The following GRM8 variants were observed in gnomAD, a reference collection of about 807,000 sequenced individuals.
The protein encoded by GRM8 is metabotropic glutamate receptor 8.
GRM8 carries 47 observed loss-of-function variants against 87.2 expected under a neutral mutation model. That is an observed-to-expected ratio of 0.54 (90% confidence interval 0.43 to 0.69). GRM8 has a LOEUF of 0.69. GRM8 is among the 30% of genes least tolerant of loss of function. The pLI is 0.00. For synonymous variants in GRM8, 396 were observed against 404.5 expected, an observed-to-expected ratio of 0.98 and a Z score of 0.25; for missense variants, 1,019 against 1,139.2, an observed-to-expected ratio of 0.89 and a Z score of 1.52.
chr7:127,036,071 C>G (rs1263733790), intron 3 of GRM8, among the ~76,000 whole-genome samples: 1 of 152,134 alleles, frequency 6.6e-6, no homozygotes, highest in Non-Finnish European at 1.5e-5. Context: ...AGATTTGGAC[C>G]AGTATATTTG....
At chr7:126,510,967 T>C (rs1178032291) in intron 9 of GRM8, among the ~76,000 whole-genome samples, 1 of 152,118 alleles carries the variant, frequency 6.6e-6, no homozygotes, top group Non-Finnish European at 1.5e-5. Context: ...CGCCACATCC[T>C]CCAAACCTGG....
chr7:126,795,040 G>A (rs1346771260), intron 6 of GRM8, among the ~76,000 whole-genome samples: 1 of 152,156 alleles, frequency 6.6e-6, no homozygotes, highest in African/African-American at 2.4e-5. Flanking sequence ...CATGCTTATA[G>A]TAACAAAATA....
At chr7:127,212,463 G>A (rs1433775232) in intron 2 of GRM8, among the ~76,000 whole-genome samples, 1 of 139,416 alleles carries the variant, frequency 7.2e-6, no homozygotes, top group African/African-American at 2.8e-5. Flanking sequence ...TGTCGCCCAG[G>A]CTGGAGTGCA....
At chr7:126,995,634 G>C (rs1813106416) in intron 3 of GRM8, among the ~76,000 whole-genome samples, 1 of 152,120 alleles carries the variant, frequency 6.6e-6, no homozygotes, top group African/African-American at 2.4e-5. Context: ...TAATGAGCTT[G>C]AAGACAGGCT....
At chr7:126,948,952 A>G (rs1563345143) in intron 3 of GRM8, among the ~76,000 whole-genome samples, 1 of 152,242 alleles carries the variant, frequency 6.6e-6, no homozygotes, top group East Asian at 1.9e-4. Flanking sequence ...TCTAACAGAT[A>G]TAGGTTAAAT....
At chr7:127,189,042 G>A (rs529208998) in intron 2 of GRM8, among the ~76,000 whole-genome samples, 1 of 152,312 alleles carries the variant, frequency 6.6e-6, no homozygotes, top group South Asian at 2.1e-4. Flanking sequence ...AGCTTCAGAA[G>A]TGTCTTTTAT....
At chr7:127,122,690 TG>T (rs1331341146) in intron 2 of GRM8, among the ~76,000 whole-genome samples, 2 of 152,088 alleles carry the variant, frequency 1.3e-5, no homozygotes, top group African/African-American at 4.8e-5. Flanking sequence ...GTACTGCAAA[TG>T]TAGACATTTT....
intron 7 of GRM8, among the ~76,000 whole-genome samples, chr7:126,672,285 G>A (rs1218650615): frequency 6.6e-6 from 1 of 152,144 alleles, no homozygotes; most frequent in African/African-American, 2.4e-5. Flanking sequence ...TGGACCCTGG[G>A]GATGCAAGGA....
intron 3 of GRM8, among the ~76,000 whole-genome samples, chr7:127,013,605 T>C (rs1262665168): frequency 1.3e-5 from 2 of 152,122 alleles, no homozygotes; most frequent in Non-Finnish European, 2.9e-5. Flanking sequence ...AGTTTTGTGG[T>C]ATAAGTAATC....
At chr7:127,241,795 C>A (rs1365279083) in intron 2 of GRM8, among the ~76,000 whole-genome samples, 1 of 152,154 alleles carries the variant, frequency 6.6e-6, no homozygotes, top group Non-Finnish European at 1.5e-5. Context: ...TTGAAAAATT[C>A]ATGTCCCCCT....
intron 7 of GRM8, among the ~76,000 whole-genome samples, chr7:126,703,694 G>A (rs1344004389): frequency 6.6e-6 from 1 of 152,092 alleles, no homozygotes; most frequent in Non-Finnish European, 1.5e-5. Flanking sequence ...CAAGTGTCTA[G>A]GACTACAGGT....
In GRM8 at chr7:126,685,264, C is replaced by T. The variant is rs1808042697; in HGVS notation, c.1358-75766G>A. Among the ~76,000 whole-genome samples, 1 of 152,122 alleles carries T rather than the reference C, an allele frequency of 6.6e-6. No individual in the cohort carries two copies. The highest frequency in any genetic ancestry group is 1.5e-5 in the Non-Finnish European group (1 of 68,014). Reference sequence around the variant, plus strand: ...TGATGGGGCCGGGCCAAGTTGCCTACAGGCAGGGGAACAATGTGGTTGGGC... The same window carrying T: ...TGATGGGGCCGGGCCAAGTTGCCTATAGGCAGGGGAACAATGTGGTTGGGC... On this transcript the variant is annotated intron_variant, in intron 7 of 10. Transcript: ENST00000339582. This position sits in a 1 kb window ranked among gnomAD's most constrained non-coding sequence, Gnocchi z 4.2.
chr7:127,176,689 C>T (rs1794125224), intron 2 of GRM8, among the ~76,000 whole-genome samples: 1 of 152,236 alleles, frequency 6.6e-6, no homozygotes, highest in South Asian at 2.1e-4. Flanking sequence ...GGAGACTCTC[C>T]TCTCACAGGG....
chr7:127,168,171 C>T (rs1793568446), intron 2 of GRM8, among the ~76,000 whole-genome samples: 1 of 152,046 alleles, frequency 6.6e-6, no homozygotes. Flanking sequence ...AAGAAAAAAA[C>T]AGCCCCATCA....
intron 6 of GRM8, among the ~76,000 whole-genome samples, chr7:126,771,039 C>T (rs1818792792): frequency 6.6e-6 from 1 of 152,010 alleles, no homozygotes; most frequent in Admixed American, 6.6e-5. Context: ...AAATGATCTC[C>T]TGTCACTTCT....
At chr7:126,572,606 T>C (rs1044085259) in intron 8 of GRM8, among the ~76,000 whole-genome samples, 1 of 152,192 alleles carries the variant, frequency 6.6e-6, no homozygotes. Flanking sequence ...AACTATCAAT[T>C]GAAATGTAAG....
chr7:126,584,532 T>C (rs904544891), intron 8 of GRM8, among the ~76,000 whole-genome samples: 2 of 152,226 alleles, frequency 1.3e-5, no homozygotes, highest in East Asian at 1.9e-4. Flanking sequence ...AAATTTTAGA[T>C]GGCACAGCAG....
At chr7:126,758,502 CAG>C (rs1817250521) in intron 7 of GRM8, among the ~76,000 whole-genome samples, 1 of 151,634 alleles carries the variant, frequency 6.6e-6, no homozygotes, top group Non-Finnish European at 1.5e-5. Context: ...CAAGGGCAAA[CAG>C]AGAAATACTG....
intron 8 of GRM8, among the ~76,000 whole-genome samples, chr7:126,550,355 A>C (rs975600166): frequency 1.3e-5 from 2 of 151,412 alleles, no homozygotes; most frequent in African/African-American, 4.8e-5. Context: ...CTCATGATCC[A>C]CCCGCCTCAG....
Sources: gnomAD v4.1 joint callset for allele counts (sites outside exome capture counted in the v4.1 genomes callset) on GRCh38, gnomAD v4.1.1 for gene constraint, Gnocchi (gnomAD v3.1) non-coding constraint, MANE v1.5 for transcripts, NCBI Gene and HGNC (gene_info 2026-07-23, HGNC 2026-07-21) for gene names.